RGCC: variants seen among roughly 807,000 people sequenced by gnomAD.
RGCC encodes regulator of cell cycle RGCC.
In RGCC, 15 loss-of-function variants were observed where a neutral mutation model predicts 15.4. The ratio of observed to expected loss-of-function variants is 0.97; its 90% confidence interval spans 0.65 to 1.50. The LOEUF (loss-of-function observed/expected upper bound fraction) is 1.50. Ranked by LOEUF, RGCC falls within the 40% of genes most tolerant of loss-of-function variation. The pLI, the probability that RGCC is intolerant of heterozygous loss-of-function variation, is 0.00. For missense variants in RGCC, 176 were observed against 189.7 expected, an observed-to-expected ratio of 0.93 and a Z score of 0.42; for synonymous variants, 81 against 78.0, an observed-to-expected ratio of 1.04 and a Z score of -0.20.
rs1253155412 is a variant in RGCC at position 41,458,480 on chromosome 13, G to A, written c.235+10G>A. 1.9e-6 allele frequency: 3 copies of A among 1,589,202 alleles called. No individual in the cohort carries two copies. The East Asian group carries it at 6.8e-5, about 36-fold the overall frequency. On this transcript the variant is annotated intron_variant, in intron 2 of 4. Coordinates refer to ENST00000379359, the MANE Select transcript of RGCC (RefSeq NM_014059.3). This position sits in a 1 kb window ranked among gnomAD's most constrained non-coding sequence, Gnocchi z 4.4. Reference sequence around the variant, plus strand: ...TTCAGCGACTCGGAGAGTAAGTGCGGCCCCCGCTAGGATGGCGCCGGGATC... The same window carrying A: ...TTCAGCGACTCGGAGAGTAAGTGCGACCCCCGCTAGGATGGCGCCGGGATC...
intron 2 of RGCC, among the ~76,000 whole-genome samples, chr13:41,466,157 GCA>G (rs1309193318): frequency 1.5e-5 from 2 of 135,836 alleles, no homozygotes; most frequent in Non-Finnish European, 3.1e-5. Flanking sequence ...ACTCACACAC[GCA>G]CACACTCTCA....
At chr13:41,459,016 G>A (rs1224135628) in intron 2 of RGCC, among the ~76,000 whole-genome samples, 1 of 152,102 alleles carries the variant, frequency 6.6e-6, no homozygotes, top group African/African-American at 2.4e-5. Flanking sequence ...GAAAATCTTT[G>A]GCACTGCTGA....
chr13:41,462,424 G>A (rs1377369824), intron 2 of RGCC, among the ~76,000 whole-genome samples: 1 of 152,160 alleles, frequency 6.6e-6, no homozygotes, highest in Non-Finnish European at 1.5e-5. Context: ...CACGGTCCCA[G>A]AATTTGAGGT....
intron 2 of RGCC, among the ~76,000 whole-genome samples, chr13:41,465,551 A>ATGC (rs1441263237): frequency 4.0e-5 from 3 of 75,184 alleles, no homozygotes; most frequent in Non-Finnish European, 1.1e-4. Context: ...AGGCCCAGAG[A>ATGC]TGTACTAGCT....
At chr13:41,460,075 T>G (rs866863065) in intron 2 of RGCC, among the ~76,000 whole-genome samples, 5 of 152,218 alleles carry the variant, frequency 3.3e-5, no homozygotes, top group African/African-American at 1.2e-4. Context: ...TGGGATAGTT[T>G]GTAGTTTTGC....
At chr13:41,463,469 CTGTGTGTGTG>C (rs67077388) in intron 2 of RGCC, among the ~76,000 whole-genome samples, 5,399 of 121,014 alleles carry the variant, frequency 0.045, 379 homozygotes, top group African/African-American at 0.15. Flanking sequence ...TAATGTGTAT[CTGTGTGTGTG>C]TGTGTGTGTG....
chr13:41,468,649 A>C (rs1365221833), intron 3 of RGCC, 127 bp from the exon 4 acceptor site: 2 of 714,944 alleles, frequency 2.8e-6, no homozygotes, highest in Non-Finnish European at 4.8e-6. Context: ...GATGTAAAAT[A>C]GAAATAATCC....
Position 41,458,269 on chromosome 13 carries a change from C to A in RGCC, c.50-16C>A. 6.4e-7 allele frequency: 1 copy of A among 1,555,468 alleles called. No homozygotes were observed. On this transcript the variant is annotated splice_polypyrimidine_tract_variant and intron_variant, in intron 1 of 4. Transcript: ENST00000379359. The surrounding 1 kb of genome is among the most constrained non-coding windows in gnomAD (Gnocchi z 4.4). ...CCCCTGACTTCCGTGCACTGAGCCCCTGGCCCTGCCCGCAGCCCCGGCCCT... is the reference window on the plus strand; with the variant it reads ...CCCCTGACTTCCGTGCACTGAGCCCATGGCCCTGCCCGCAGCCCCGGCCCT...
Position 41,470,732 on chromosome 13 carries a change from T to G in RGCC, c.*247T>G, listed in dbSNP as rs2043871978. 6 of 410,298 alleles carry G rather than the reference T, an allele frequency of 1.5e-5. No individual in the cohort carries two copies. Among genetic ancestry groups the G allele is most frequent in the Admixed American group, 1.3e-4 (3 of 23,348 alleles). 25.4% of individuals were successfully genotyped at this position (410,298 alleles called of 1,614,324 possible). Reference sequence around the variant, plus strand: ...GAACAGACGATCCATGCTAATATTGTATTTTCTCTTAAAACATAGCTTTCC... The same window carrying G: ...GAACAGACGATCCATGCTAATATTGGATTTTCTCTTAAAACATAGCTTTCC... On this transcript the variant is annotated 3_prime_UTR_variant, in exon 5 of 5. Transcript: ENST00000379359.
intron 2 of RGCC, among the ~76,000 whole-genome samples, chr13:41,463,801 T>C (rs1201897882): frequency 2.6e-5 from 4 of 152,208 alleles, no homozygotes; most frequent in Non-Finnish European, 5.9e-5. Flanking sequence ...TGCTGAGTCT[T>C]TCCTGAATCT....
intron 2 of RGCC, among the ~76,000 whole-genome samples, chr13:41,459,662 A>G (rs2043811157): frequency 6.6e-6 from 1 of 152,262 alleles, no homozygotes; most frequent in African/African-American, 2.4e-5. Flanking sequence ...AAGGGGATGG[A>G]AGAAAGTACT....
Position 41,458,272 on chromosome 13 carries a change from G to A in RGCC, c.50-13G>A. ...CTGACTTCCGTGCACTGAGCCCCTGGCCCTGCCCGCAGCCCCGGCCCTGGA... is the reference window on the plus strand; with the variant it reads ...CTGACTTCCGTGCACTGAGCCCCTGACCCTGCCCGCAGCCCCGGCCCTGGA... On this transcript the variant is annotated splice_polypyrimidine_tract_variant and intron_variant, in intron 1 of 4. Transcript: ENST00000379359. This position sits in a 1 kb window ranked among gnomAD's most constrained non-coding sequence, Gnocchi z 4.4. 1.3e-6 allele frequency: 2 copies of A among 1,557,902 alleles called. No homozygotes were observed. Among genetic ancestry groups the A allele is most frequent in the South Asian group, 2.3e-5 (2 of 85,942 alleles).
intron 4 of RGCC, 146 bp from the exon 5 acceptor site, chr13:41,470,332 G>GT: frequency 1.3e-6 from 1 of 795,954 alleles, no homozygotes. Context: ...GGGTTGCCCA[G>GT]TCATTCCAGT....
chr13:41,457,630 C>A lies in RGCC; in HGVS notation c.-78C>A. 1 of 1,495,610 alleles carries A rather than the reference C, an allele frequency of 6.7e-7. No individual in the cohort carries two copies. 92.6% of individuals were successfully genotyped at this position (1,495,610 alleles called of 1,614,324 possible). On this transcript the variant is annotated 5_prime_UTR_variant, in exon 1 of 5. Coordinates refer to ENST00000379359, the MANE Select transcript of RGCC (RefSeq NM_014059.3). The surrounding 1 kb of genome is among the most constrained non-coding windows in gnomAD (Gnocchi z 4.9). ...ACTGGCAGGGCTGAAGTGTGCGGGA[C>A]AGCAAGCCCCCGAATAGCCCCGGCT... is the stretch of plus-strand genomic sequence containing the variant.
intron 2 of RGCC, among the ~76,000 whole-genome samples, chr13:41,464,769 A>G (rs2043839340): frequency 6.6e-6 from 1 of 151,988 alleles, no homozygotes; most frequent in South Asian, 2.1e-4. Context: ...AGGATTTTGG[A>G]TCTCAGTCCA....
intron 3 of RGCC, 78 bp downstream of exon 3, chr13:41,467,008 A>G (rs923162831): frequency 3.4e-6 from 3 of 882,958 alleles, no homozygotes; most frequent in Admixed American, 1.8e-5. Context: ...TGTCCCTTTT[A>G]TCCCTAAACA....
rs1479598008 is a variant in RGCC at position 41,458,869 on chromosome 13, C to T, written c.235+399C>T. Among the ~76,000 whole-genome samples the T allele has an allele frequency of 6.6e-6, 1 of 152,240 alleles. No homozygotes were observed. Among genetic ancestry groups the T allele is most frequent in the Admixed American group, 6.5e-5 (1 of 15,290 alleles). On this transcript the variant is annotated intron_variant, in intron 2 of 4. Transcript: ENST00000379359. The surrounding 1 kb of genome is among the most constrained non-coding windows in gnomAD (Gnocchi z 4.4). ...GGGGCACAGTGGGGACATGGGAGGG[C>T]GCAGAACGGAAATATTCATGAAACC...
chr13:41,463,830 C>T (rs1350604295), intron 2 of RGCC, among the ~76,000 whole-genome samples: 1 of 152,144 alleles, frequency 6.6e-6, no homozygotes, highest in African/African-American at 2.4e-5. Context: ...TTCCTTTTTT[C>T]CCCTGCTAAC....
rs1593574756 is a variant in RGCC at position 41,458,615 on chromosome 13, C to T, written c.235+145C>T. 1.9e-5 allele frequency: 18 copies of T among 961,080 alleles called. No homozygotes were observed. Among genetic ancestry groups the T allele is most frequent in the Non-Finnish European group, 2.5e-5 (17 of 666,954 alleles). 59.5% of individuals were successfully genotyped at this position (961,080 alleles called of 1,614,324 possible). ...CGCAGTAGGCCGAGTGGTGGCGGGG[C>T]CCCTGACGATAATCACGGGAAAGGT... On this transcript the variant is annotated intron_variant, in intron 2 of 4. Transcript: ENST00000379359. The surrounding 1 kb of genome is among the most constrained non-coding windows in gnomAD (Gnocchi z 4.4).
Sources: gnomAD v4.1 joint callset for allele counts (sites outside exome capture counted in the v4.1 genomes callset) on GRCh38, gnomAD v4.1.1 for gene constraint, Gnocchi (gnomAD v3.1) non-coding constraint, MANE v1.5 for transcripts, NCBI Gene and HGNC (gene_info 2026-07-23, HGNC 2026-07-21) for gene names.